Variants in TBC1D5 observed in about 807,000 individuals in gnomAD.
TBC1D5 encodes the protein TBC1 domain family, member 5.
Under a neutral mutation model 100.3 loss-of-function variants are expected in TBC1D5, and 75 were observed. The ratio of observed to expected loss-of-function variants is 0.75; its 90% CI spans 0.62 to 0.91. The LOEUF is 0.91. TBC1D5 is among the 40% of genes least tolerant of loss of function. The probability of loss-of-function intolerance (pLI) is 0.00; values close to 1 mark genes in which losing one functional copy is unlikely to be tolerated. For missense variants in TBC1D5, 910 were observed against 942.4 expected, an observed-to-expected ratio of 0.97 and a Z score of 0.45; for synonymous variants, 323 against 325.6, an observed-to-expected ratio of 0.99 and a Z score of 0.09.
intron 3 of TBC1D5, among the ~76,000 whole-genome samples, chr3:17,501,367 T>TA (rs1226319927): frequency 6.7e-6 from 1 of 149,594 alleles, no homozygotes; most frequent in Non-Finnish European, 1.5e-5. Context: ...AGAGATGTGA[T>TA]AAAAGACCAT....
intron 13 of TBC1D5, among the ~76,000 whole-genome samples, chr3:17,344,905 C>T (rs1247273003): frequency 2.6e-5 from 4 of 152,116 alleles, no homozygotes; most frequent in East Asian, 1.9e-4. Context: ...ACACCTTATA[C>T]AAAAATTAAT....
At chr3:17,374,404 T>C (rs1346634202) in intron 12 of TBC1D5, 67 bp downstream of exon 12, 9 of 1,443,866 alleles carry the variant, frequency 6.2e-6, no homozygotes, top group Middle Eastern at 3.7e-4. Flanking sequence ...TTTGGTTACA[T>C]GTTGTTATTT....
At chr3:17,433,075 G>A (rs569169515) in intron 3 of TBC1D5, among the ~76,000 whole-genome samples, 73 of 151,668 alleles carry the variant, frequency 4.8e-4, no homozygotes, top group African/African-American at 1.5e-3. Context: ...GAAGAGGGTA[G>A]CTACTTTCCC....
chr3:17,307,522 A>G (rs1255179067), intron 14 of TBC1D5, among the ~76,000 whole-genome samples: 1 of 152,212 alleles, frequency 6.6e-6, no homozygotes. Context: ...GTATTTTTCT[A>G]AAATATAACT....
chr3:17,249,503 A>C (rs886944252), intron 16 of TBC1D5, among the ~76,000 whole-genome samples: 10 of 152,206 alleles, frequency 6.6e-5, no homozygotes, highest in Non-Finnish European at 1.3e-4. Flanking sequence ...TGTCTGGATC[A>C]TGGGGGTGTA....
At chr3:17,724,951 A>G (rs1472002643) in intron 1 of TBC1D5, among the ~76,000 whole-genome samples, 1 of 151,984 alleles carries the variant, frequency 6.6e-6, no homozygotes, top group African/African-American at 2.4e-5. Context: ...CATTATAATT[A>G]TTACTGCATT....
chr3:17,387,282 A>G (rs553997968), intron 8 of TBC1D5, among the ~76,000 whole-genome samples: 2 of 152,164 alleles, frequency 1.3e-5, no homozygotes, highest in Non-Finnish European at 2.9e-5. Context: ...AAACAGAAGC[A>G]CAGAGAAATA....
rs1310289284 is a variant in TBC1D5, at chr3:17,490,178, A to G, written c.97+18296T>C. On this transcript the variant is annotated intron_variant, in intron 3 of 21. Coordinates refer to ENST00000253692, the Ensembl canonical transcript of TBC1D5. ...AAGGGTCTGTTCATGTCCTTTCCCCACTGTTTAGTGGGGTTGTTTTTTTCT... is the reference window on the plus strand; with the variant it reads ...AAGGGTCTGTTCATGTCCTTTCCCCGCTGTTTAGTGGGGTTGTTTTTTTCT... 3.3e-5 allele frequency among the ~76,000 whole-genome samples: 5 copies of G among 151,932 alleles called. No homozygotes were observed. In the East Asian group the frequency reaches 9.6e-4, roughly 29 times the overall value.
At chr3:17,437,516 A>G (rs1246658722) in intron 3 of TBC1D5, among the ~76,000 whole-genome samples, 1 of 151,950 alleles carries the variant, frequency 6.6e-6, no homozygotes, top group Non-Finnish European at 1.5e-5. Flanking sequence ...ACCAGATCAT[A>G]TCTGATAATC....
At chr3:17,627,513 TAAG>T (rs2063153171) in intron 1 of TBC1D5, among the ~76,000 whole-genome samples, 1 of 152,034 alleles carries the variant, frequency 6.6e-6, no homozygotes, top group African/African-American at 2.4e-5. Flanking sequence ...AATGACTATA[TAAG>T]AGAGTTCCAG....
chr3:17,457,122 C>A (rs903512098), intron 3 of TBC1D5, among the ~76,000 whole-genome samples: 3 of 151,718 alleles, frequency 2.0e-5, no homozygotes, highest in African/African-American at 7.3e-5. Context: ...CATTCTTTGT[C>A]TTTTGTTTTT....
intron 13 of TBC1D5, among the ~76,000 whole-genome samples, chr3:17,370,610 A>G (rs2092402695): frequency 6.6e-6 from 1 of 152,200 alleles, no homozygotes; most frequent in Admixed American, 6.5e-5. Flanking sequence ...AGTAAGAAAA[A>G]GGAAAACATG....
At chr3:17,546,189 GT>G (rs2096412826) in intron 2 of TBC1D5, among the ~76,000 whole-genome samples, 1 of 152,118 alleles carries the variant, frequency 6.6e-6, no homozygotes, top group Non-Finnish European at 1.5e-5. Context: ...CAAATTGATA[GT>G]TATTCTTGAT....
intron 1 of TBC1D5, among the ~76,000 whole-genome samples, chr3:17,731,867 C>T (rs893504618): frequency 4.6e-5 from 7 of 152,090 alleles, no homozygotes; most frequent in African/African-American, 1.7e-4. Flanking sequence ...AAAACACACA[C>T]TTGTAAAGAT....
chr3:17,204,819 G>A (rs1206177311), intron 18 of TBC1D5, among the ~76,000 whole-genome samples: 1 of 152,110 alleles, frequency 6.6e-6, no homozygotes, highest in East Asian at 1.9e-4. Flanking sequence ...AAAATGTCAT[G>A]CTAAAACTGT....
chr3:17,548,833 ATACT>A (rs1397706439), intron 2 of TBC1D5, among the ~76,000 whole-genome samples: 1 of 152,362 alleles, frequency 6.6e-6, no homozygotes, highest in Admixed American at 6.5e-5. Context: ...TACAATTAAA[ATACT>A]TACTTTTTGA....
intron 18 of TBC1D5, among the ~76,000 whole-genome samples, chr3:17,201,829 C>T (rs977022479): frequency 2.6e-5 from 4 of 152,184 alleles, no homozygotes; most frequent in Admixed American, 6.5e-5. Flanking sequence ...GCATCTGGAA[C>T]TTTGAGCCAA....
chr3:17,215,184 T>A (rs1319866166), intron 17 of TBC1D5, among the ~76,000 whole-genome samples: 1 of 152,052 alleles, frequency 6.6e-6, no homozygotes, highest in Admixed American at 6.6e-5. Context: ...CTGGCTGTTG[T>A]ATTGAGAACA....
At chr3:17,331,981 A>C (rs2086929424) in intron 13 of TBC1D5, among the ~76,000 whole-genome samples, 1 of 152,214 alleles carries the variant, frequency 6.6e-6, no homozygotes, top group African/African-American at 2.4e-5. Context: ...ATACTGTTAC[A>C]AGTGCTATGG....
Sources: gnomAD v4.1 joint callset for allele counts (sites outside exome capture counted in the v4.1 genomes callset) on GRCh38, gnomAD v4.1.1 for gene constraint, MANE v1.5 for transcripts, NCBI Gene and HGNC (gene_info 2026-07-23, HGNC 2026-07-21) for gene names.